CFAP53: variants seen among roughly 807,000 people sequenced by gnomAD.
The protein encoded by CFAP53 is cilia and flagella associated protein 53.
Under a neutral mutation model 59.7 loss-of-function variants are expected in CFAP53, and 62 were observed. The observed-to-expected ratio is 1.04, with a 90% CI of 0.85 to 1.28. The LOEUF (loss-of-function observed/expected upper bound fraction) is 1.28. Among genes scored for constraint, CFAP53 ranks in the 50% most tolerant of loss-of-function variants. The pLI is 0.00. For missense variants in CFAP53, 629 were observed against 615.6 expected, an observed-to-expected ratio of 1.02 and a Z score of -0.23; for synonymous variants, 218 against 205.7, an observed-to-expected ratio of 1.06 and a Z score of -0.51.
Position 50,251,752 on chromosome 18 carries a change from A to C in CFAP53, c.506T>G (p.Leu169Ter). ...ERCEELRVELLSIHQKKVCEE... is the reference protein window; with the variant it reads ...ERCEELRVEL Reference sequence around the variant, plus strand: ...ACACACCTTCTTCTGATGGATAGATAACAATTCAACACGGAGCTCCTCACA... The same window carrying C: ...ACACACCTTCTTCTGATGGATAGATCACAATTCAACACGGAGCTCCTCACA... The change falls in exon 4 of 8, where the codon TTA becomes TGA. Residue 169 changes from leucine to a stop codon, truncating the protein, a stop_gained. Transcript: ENST00000398545. LOFTEE classifies it high-confidence loss of function. The C allele has an allele frequency of 6.2e-7, 1 of 1,614,170 alleles. No homozygotes were observed. The highest frequency in any genetic ancestry group is 8.5e-7 in the Non-Finnish European group (1 of 1,180,016).
chr18:50,227,280 G>A lies in CFAP53; in HGVS notation c.*101C>T. On this transcript the variant is annotated 3_prime_UTR_variant, in exon 8 of 8. Transcript: ENST00000398545. ...TGTTCAATTAATTACACAAACTCAG[G>A]GAAAAAAGAAAAGTTTATCCAGGAG... 1 of 929,180 alleles carries A rather than the reference G, an allele frequency of 1.1e-6. No individual in the cohort carries two copies. Among genetic ancestry groups the A allele is most frequent in the South Asian group, 1.8e-5 (1 of 55,356 alleles). The allele number at this position is 929,180 out of a possible 1,614,324, so 57.6% of individuals were successfully genotyped here. A position where few individuals can be genotyped will look rare whatever the true frequency, so the allele number is the denominator to read the frequency against.
At chr18:50,252,110 CT>C (rs11316755) in intron 3 of CFAP53, among the ~76,000 whole-genome samples, 145,137 of 148,492 alleles carry the variant, frequency 0.98, 70,990 homozygotes, top group Non-Finnish European at 1. Flanking sequence ...TACTTTTTTT[CT>C]TTTTTTTTTT....
chr18:50,251,672 C>A lies in CFAP53; in HGVS notation c.586G>T (p.Val196Leu). The A allele has an allele frequency of 6.2e-7, 1 of 1,614,258 alleles. No homozygotes were observed. Among genetic ancestry groups the A allele is most frequent in the Non-Finnish European group, 8.5e-7 (1 of 1,180,050 alleles). Residue 196 changes from valine to leucine, a missense_variant, in exon 4 of 8, where the codon GTG becomes TTG. Val to Leu is a conservative substitution (Grantham distance 32). Coordinates refer to ENST00000398545, the MANE Select transcript of CFAP53 (RefSeq NM_145020.5). ...FNEELSRQKL[V>L]EEQMFSKLWE... ...AGTTTGGAGAACATCTGCTCTTCCA[C>A]CAGCTTTTGCCTGCTCAGCTCCTCA... is the stretch of plus-strand genomic sequence containing the variant.
chr18:50,242,461 T>C (rs1568153236), intron 6 of CFAP53, among the ~76,000 whole-genome samples: 1 of 152,244 alleles, frequency 6.6e-6, no homozygotes, highest in Non-Finnish European at 1.5e-5. Context: ...GGGGAAGTGA[T>C]AAATGTCCAT....
chr18:50,234,502 A>G (rs982680377), intron 7 of CFAP53, among the ~76,000 whole-genome samples: 3 of 152,056 alleles, frequency 2.0e-5, no homozygotes, highest in Non-Finnish European at 4.4e-5. Context: ...GGATCCCTCT[A>G]TTTATGCAAA....
At chr18:50,238,576 A>G (rs2033658619) in intron 7 of CFAP53, 27 bp downstream of exon 7, 1 of 1,543,904 alleles carries the variant, frequency 6.5e-7, no homozygotes, top group Non-Finnish European at 8.9e-7. Flanking sequence ...TAGGTAGCAA[A>G]TGATGATACA....
At chr18:50,263,188 T>A (rs2033911071) in intron 1 of CFAP53, among the ~76,000 whole-genome samples, 1 of 152,206 alleles carries the variant, frequency 6.6e-6, no homozygotes, top group South Asian at 2.1e-4. Context: ...TTTCTGCACC[T>A]CCTGGAGCCA....
chr18:50,248,240 C>A (rs941228219), intron 5 of CFAP53, among the ~76,000 whole-genome samples: 2 of 151,690 alleles, frequency 1.3e-5, no homozygotes, highest in East Asian at 3.9e-4. Context: ...AATCATTAGC[C>A]ATTAGGGAAA....
rs77562403 is a variant in CFAP53 at position 50,236,557 on chromosome 18, G to A, written c.1316+2046C>T. On this transcript the variant is annotated intron_variant, in intron 7 of 7. Transcript: ENST00000398545. ...CCTAGCTCTTGGAATACTTGCTATT[G>A]GAACTCTCCCTCTCAAAACAAGCCA... Among the ~76,000 whole-genome samples the A allele has an allele frequency of 7.6e-3, 1,163 of 152,190 alleles. 26 individuals are homozygous for A. The highest frequency in any genetic ancestry group is 0.074 in the East Asian group (382 of 5,178).
chr18:50,266,247 C>CGGGTGGGGGCCG (rs1467316019), intron 1 of CFAP53, 89 bp downstream of exon 1: 50 of 1,291,026 alleles, frequency 3.9e-5, no homozygotes, highest in Admixed American at 1.1e-4. Context: ...GAGAAGGCCC[C>CGGGTGGGGGCCG]GGGTGGGGGC....
intron 7 of CFAP53, among the ~76,000 whole-genome samples, chr18:50,227,918 G>A (rs2033541353): frequency 6.7e-6 from 1 of 149,380 alleles, no homozygotes. Context: ...GGGTAAAATT[G>A]GAGAGGATAA....
chr18:50,237,102 C>T (rs539464223), intron 7 of CFAP53, among the ~76,000 whole-genome samples: 56 of 150,736 alleles, frequency 3.7e-4, no homozygotes, highest in Non-Finnish European at 6.8e-4. Context: ...GTCAGGAGTT[C>T]AAGACCAGCC....
At chr18:50,255,851 T>C (rs1322173692) in intron 3 of CFAP53, among the ~76,000 whole-genome samples, 5 of 143,488 alleles carry the variant, frequency 3.5e-5, no homozygotes. Context: ...AATTGTGGTA[T>C]ATTTATACAA....
chr18:50,260,499 C>T (rs187684973), intron 3 of CFAP53, among the ~76,000 whole-genome samples: 360 of 152,128 alleles, frequency 2.4e-3, no homozygotes, highest in African/African-American at 5.8e-3. Flanking sequence ...CCCATCTCTA[C>T]AAAAAATACA....
chr18:50,261,252 C>CAAAAAAAAAAAAAAAAAAAAA lies in CFAP53; in HGVS notation c.300-16_300-15insTTTTTTTTTTTTTTTTTTTTT, dbSNP rs71169499. On this transcript the variant is annotated splice_polypyrimidine_tract_variant and intron_variant, in intron 2 of 7. Transcript: ENST00000398545. ...GCTCACGTAGCCTGAAACAAAAAGC[C>CAAAAAAAAAAAAAAAAAAAAA]AAAAAAAAAAAAAAAAAAAGAAAAC... 1.6e-6 allele frequency: 2 copies of CAAAAAAAAAAAAAAAAAAAAA among 1,215,714 alleles called. No homozygotes were observed. Among genetic ancestry groups the CAAAAAAAAAAAAAAAAAAAAA allele is most frequent in the African/African-American group, 1.9e-5 (1 of 52,600 alleles). 75.3% of individuals were successfully genotyped at this position (1,215,714 alleles called of 1,614,324 possible). A position where few individuals can be genotyped will look rare whatever the true frequency, so the allele number is the denominator to read the frequency against.
chr18:50,236,759 A>C (rs1568151266), intron 7 of CFAP53, among the ~76,000 whole-genome samples: 1 of 152,192 alleles, frequency 6.6e-6, no homozygotes, highest in Non-Finnish European at 1.5e-5. Context: ...AGTCATGTGG[A>C]TCTGACTTCA....
intron 3 of CFAP53, chr18:50,255,915 C>T (rs1200860729): frequency 6.6e-6 from 1 of 151,130 alleles, no homozygotes; most frequent in Non-Finnish European, 1.5e-5. Flanking sequence ...TATTAATATA[C>T]ATATTAAAGC....
chr18:50,234,964 T>A (rs1277471981), intron 7 of CFAP53, among the ~76,000 whole-genome samples: 1 of 152,222 alleles, frequency 6.6e-6, no homozygotes, highest in African/African-American at 2.4e-5. Context: ...GAAGCTAAAG[T>A]CATGGCCATC....
intron 5 of CFAP53, among the ~76,000 whole-genome samples, chr18:50,246,025 G>C (rs1008818758): frequency 2.0e-5 from 3 of 152,166 alleles, no homozygotes; most frequent in Non-Finnish European, 4.4e-5. Flanking sequence ...AAGTAGCTGG[G>C]ATTACAGGCA....
Sources: allele counts gnomAD v4.1 joint callset (sites outside exome capture counted in the v4.1 genomes callset), GRCh38; gene constraint gnomAD v4.1.1; transcripts MANE v1.5; gene names NCBI Gene and HGNC (gene_info 2026-07-23, HGNC 2026-07-21).